Variants in TRPM3 observed in about 807,000 individuals in gnomAD.
TRPM3 encodes the protein transient receptor potential cation channel subfamily M member 3.
Under a neutral mutation model 181.2 loss-of-function variants are expected in TRPM3, and 77 were observed. The observed-to-expected ratio is 0.42, with a 90% CI of 0.35 to 0.51. The LOEUF is 0.51. TRPM3 is among the 20% of genes least tolerant of loss of function. The pLI, the probability that TRPM3 is intolerant of heterozygous loss-of-function variation, is 0.01. For missense variants in TRPM3, 1,759 were observed against 2,196.7 expected (o/e 0.80, Z 3.98); for synonymous variants, 745 against 796.4 (o/e 0.94, Z 1.09).
At chr9:71,169,326 C>A (rs1448384335) in intron 1 of TRPM3, among the ~76,000 whole-genome samples, 1 of 152,278 alleles carries the variant, frequency 6.6e-6, no homozygotes, top group Non-Finnish European at 1.5e-5. Context: ...TATTCACCAA[C>A]GGTTGGAAAC....
intron 25 of TRPM3, among the ~76,000 whole-genome samples, chr9:70,542,178 G>C (rs1421202241): frequency 2.0e-5 from 3 of 152,098 alleles, no homozygotes; most frequent in Admixed American, 1.3e-4. Flanking sequence ...CAGGCCTGAG[G>C]TATATACCAA....
rs920473168 is a variant in TRPM3, at chr9:70,784,342, A to G, written c.974-63T>C. 1.6e-5 allele frequency: 24 copies of G among 1,468,006 alleles called. No individual in the cohort carries two copies. In the African/African-American group the frequency reaches 2.4e-4, roughly 15 times the overall value. 90.9% of individuals were successfully genotyped at this position (1,468,006 alleles called of 1,614,324 possible). A position where few individuals can be genotyped will look rare whatever the true frequency, so the allele number is the denominator to read the frequency against. On this transcript the variant is annotated intron_variant, in intron 6 of 25. Coordinates refer to ENST00000677713, the MANE Select transcript of TRPM3 (RefSeq NM_001366145.2). ...AAAGAACACAAAGCCAGCAAACCAA[A>G]GAAACAAAAAGAGAAACAAAAAGCA...
At chr9:71,188,177 C>G (rs372657672) in intron 1 of TRPM3, among the ~76,000 whole-genome samples, 1 of 151,862 alleles carries the variant, frequency 6.6e-6, no homozygotes, top group Admixed American at 6.6e-5. Flanking sequence ...ATGTTTAATT[C>G]TTATGGTAAA....
At chr9:70,584,613 A>G (rs997935430) in intron 22 of TRPM3, among the ~76,000 whole-genome samples, 1 of 152,184 alleles carries the variant, frequency 6.6e-6, no homozygotes. Flanking sequence ...TTAATTCTGA[A>G]CACCAATTTA....
chr9:70,582,832 G>A (rs2056238994), intron 22 of TRPM3, among the ~76,000 whole-genome samples: 1 of 152,152 alleles, frequency 6.6e-6, no homozygotes, highest in African/African-American at 2.4e-5. Flanking sequence ...AGAGATCCCT[G>A]TGGCCACACT....
At chr9:71,127,966 AG>A (rs1211307805) in intron 1 of TRPM3, among the ~76,000 whole-genome samples, 2 of 152,240 alleles carry the variant, frequency 1.3e-5, no homozygotes, top group Non-Finnish European at 2.9e-5. Flanking sequence ...GCTAAGAGCT[AG>A]AAAAATATTA....
At chr9:70,812,882 A>T (rs2131441924) in intron 6 of TRPM3, among the ~76,000 whole-genome samples, 1 of 152,306 alleles carries the variant, frequency 6.6e-6, no homozygotes, top group South Asian at 2.1e-4. Flanking sequence ...GATAGCAGGT[A>T]TGTGTTATGT....
chr9:70,805,161 T>C (rs931769498), intron 6 of TRPM3, among the ~76,000 whole-genome samples: 1 of 139,636 alleles, frequency 7.2e-6, no homozygotes, highest in Admixed American at 8.2e-5. Context: ...AGGAGCATGA[T>C]CATGAAAGAG....
chr9:71,001,997 A>G (rs952018494), intron 1 of TRPM3, among the ~76,000 whole-genome samples: 1 of 141,942 alleles, frequency 7.0e-6, no homozygotes, highest in African/African-American at 2.4e-5. Flanking sequence ...TGACATGTCA[A>G]CACAGACAGA....
chr9:70,892,187 G>A (rs2096215121), intron 1 of TRPM3, among the ~76,000 whole-genome samples: 1 of 152,148 alleles, frequency 6.6e-6, no homozygotes. Context: ...AGACTATATA[G>A]AGAAATTAAT....
intron 1 of TRPM3, among the ~76,000 whole-genome samples, chr9:71,093,351 T>C (rs2066543104): frequency 6.6e-6 from 1 of 151,816 alleles, no homozygotes; most frequent in African/African-American, 2.4e-5. Flanking sequence ...AAAGGACTAA[T>C]ATCCAGAATC....
rs71367253 is a variant in TRPM3, at chr9:71,080,171, AAAATAAATAAAT to A, written c.177+40995_177+41006del. On this transcript the variant is annotated intron_variant, in intron 1 of 25. Coordinates refer to ENST00000677713, the MANE Select transcript of TRPM3 (RefSeq NM_001366145.2). Reference sequence around the variant, plus strand: ...GACAACAAGAGTCAAACTCCATCTCAAAATAAATAAATAAATAAATAAATAAATAAATAAATA... The same window carrying A: ...GACAACAAGAGTCAAACTCCATCTCAAAATAAATAAATAAATAAATAAATA... Among the ~76,000 whole-genome samples, 70 of 133,202 alleles carry A rather than the reference AAAATAAATAAAT, an allele frequency of 5.3e-4. 5 individuals carry two copies. In the South Asian group the frequency reaches 0.013, roughly 25 times the overall value. 87.4% of individuals were successfully genotyped at this position (133,202 alleles called of 152,430 possible).
intron 1 of TRPM3, among the ~76,000 whole-genome samples, chr9:71,432,522 C>A (rs17056807): frequency 0.56 from 84,086 of 151,330 alleles, 28,451 homozygotes; most frequent in Non-Finnish European, 0.76. Context: ...AGCTGTAAAC[C>A]AGATCATTCT....
intron 1 of TRPM3, among the ~76,000 whole-genome samples, chr9:71,360,079 T>C (rs2092080169): frequency 6.6e-6 from 1 of 152,056 alleles, no homozygotes; most frequent in East Asian, 1.9e-4. Context: ...CTACAATTAG[T>C]GTTAGTTATT....
intron 1 of TRPM3, among the ~76,000 whole-genome samples, chr9:71,158,936 C>A (rs1247540067): frequency 6.6e-6 from 1 of 152,052 alleles, no homozygotes; most frequent in Non-Finnish European, 1.5e-5. Flanking sequence ...CCTCAGCCCT[C>A]TTGATTCTCA....
intron 3 of TRPM3, 124 bp downstream of exon 3, chr9:70,862,784 C>T (rs959699160): frequency 2.1e-6 from 2 of 944,644 alleles, no homozygotes; most frequent in African/African-American, 1.6e-5. Flanking sequence ...AGCAGGTCAC[C>T]TCATCAGACA....
intron 8 of TRPM3, among the ~76,000 whole-genome samples, chr9:70,759,222 A>G (rs572527409): frequency 6.6e-6 from 1 of 152,222 alleles, no homozygotes; most frequent in Non-Finnish European, 1.5e-5. Context: ...GCTAACAAAC[A>G]TATGGAAAAA....
intron 8 of TRPM3, among the ~76,000 whole-genome samples, chr9:70,752,130 T>C (rs2076305712): frequency 6.6e-6 from 1 of 151,758 alleles, no homozygotes; most frequent in Non-Finnish European, 1.5e-5. Context: ...AGGGCTAAAA[T>C]AGTTGGCAAC....
intron 1 of TRPM3, among the ~76,000 whole-genome samples, chr9:71,170,000 CAAAAAAAAAAAA>C (rs34087746): frequency 1.3e-5 from 1 of 77,166 alleles, no homozygotes; most frequent in African/African-American, 4.9e-5. Flanking sequence ...GACTCTGTCT[CAAAAAAAAAAAA>C]AAAAAAAAAA....
Sources: gnomAD v4.1 joint callset for allele counts (sites outside exome capture counted in the v4.1 genomes callset) on GRCh38, gnomAD v4.1.1 for gene constraint, MANE v1.5 for transcripts, NCBI Gene and HGNC (gene_info 2026-07-23, HGNC 2026-07-21) for gene names.